The following ASPG variants were observed in gnomAD, a reference collection of about 807,000 sequenced individuals.
ASPG encodes the protein asparaginase.
Under a neutral mutation model 63.2 loss-of-function variants are expected in ASPG, and 53 were observed. The ratio of observed to expected loss-of-function variants is 0.84; its 90% CI spans 0.67 to 1.05. The LOEUF is 1.05. ASPG is among the 50% of genes least tolerant of loss of function. The probability of loss-of-function intolerance (pLI) is 0.00; values close to 1 mark genes in which losing one functional copy is unlikely to be tolerated. For synonymous variants in ASPG, 370 were observed against 355.0 expected (o/e 1.04, Z -0.48); for missense variants, 741 against 794.4 (o/e 0.93, Z 0.81).
At position 104,093,547 on chromosome 14, in the gene ASPG, T is replaced by C. The variant is rs534981132; in HGVS notation, c.248T>C (p.Phe83Ser). The part of the protein sequence containing the change: ...LYTVLECQPL[F>S]DSSDMTIAEW... ...ACCGTGCTGGAGTGCCAGCCCCTCT[T>C]CGACTCCAGTGACATGACCATCGCT... Residue 83 changes from phenylalanine (F) to serine (S), a missense_variant, in exon 3 of 16, where the codon TTC becomes TCC. Physicochemically the swap from Phe to Ser is radical, Grantham distance 155. Coordinates refer to ENST00000551177, the MANE Select transcript of ASPG (RefSeq NM_001080464.3). 51 of 1,612,580 alleles carry C rather than the reference T, an allele frequency of 3.2e-5. No individual in the cohort carries two copies. In the South Asian group the frequency reaches 5.4e-4, roughly 17 times the overall value.
At chr14:104,093,062 G>C (rs1037288238) in intron 2 of ASPG, 12 of 476,076 alleles carry the variant, frequency 2.5e-5, no homozygotes, top group Non-Finnish European at 3.8e-5. Flanking sequence ...AGGTGGCCTT[G>C]CCCCCAGCAT....
intron 10 of ASPG, among the ~76,000 whole-genome samples, chr14:104,106,011 T>TAGA (rs2037111308): frequency 6.6e-6 from 1 of 152,160 alleles, no homozygotes; most frequent in Admixed American, 6.5e-5. Flanking sequence ...ACAGCCTTGC[T>TAGA]CCCCACTGTG....
At chr14:104,097,475 G>T (rs1050017782) in intron 4 of ASPG, 79 bp from the exon 5 acceptor site, 3 of 1,407,608 alleles carry the variant, frequency 2.1e-6, no homozygotes, top group African/African-American at 2.9e-5. Flanking sequence ...GGGCCTGGGG[G>T]TTTACCTGGA....
chr14:104,105,753 G>A (rs1053228468), intron 10 of ASPG, among the ~76,000 whole-genome samples: 14 of 152,328 alleles, frequency 9.2e-5, no homozygotes, highest in African/African-American at 3.1e-4. Flanking sequence ...AAGAAGGGCG[G>A]GTGAGTGGGG....
intron 10 of ASPG, 103 bp downstream of exon 10, chr14:104,105,553 C>T (rs752587834): frequency 1.1e-5 from 16 of 1,416,166 alleles, no homozygotes; most frequent in African/African-American, 5.8e-5. Context: ...AGCCATCACT[C>T]GAGCCCAAAC....
chr14:104,098,637 G>A (rs2036732277), intron 5 of ASPG, among the ~76,000 whole-genome samples: 1 of 152,084 alleles, frequency 6.6e-6, no homozygotes, highest in Admixed American at 6.5e-5. Flanking sequence ...GGCCCCTGCA[G>A]GCTCCGGTTA....
chr14:104,097,445 C>A, intron 4 of ASPG, 109 bp from the exon 5 acceptor site: 3 of 1,113,742 alleles, frequency 2.7e-6, no homozygotes, highest in Non-Finnish European at 3.8e-6. Context: ...TTTCCCACAC[C>A]CGCCTGGGGC....
chr14:104,107,828 G>A (rs1024005441), intron 12 of ASPG, among the ~76,000 whole-genome samples: 1 of 152,224 alleles, frequency 6.6e-6, no homozygotes, highest in African/African-American at 2.4e-5. Context: ...GTGGGGGGCG[G>A]GGCCAGCACT....
At chr14:104,100,333 G>A (rs143648534) in intron 6 of ASPG, among the ~76,000 whole-genome samples, 33 of 152,284 alleles carry the variant, frequency 2.2e-4, no homozygotes, top group African/African-American at 7.7e-4. Context: ...CAGCAGAAGC[G>A]GGTGGAGGCA....
At chr14:104,088,550 G>A (rs544128330) in intron 1 of ASPG, among the ~76,000 whole-genome samples, 5 of 152,244 alleles carry the variant, frequency 3.3e-5, no homozygotes, top group Admixed American at 1.3e-4. Context: ...TCCTGAGCCC[G>A]GCTCCTTGCA....
At chr14:104,108,511 G>A in intron 12 of ASPG, 1 of 985,422 alleles carries the variant, frequency 1.0e-6, no homozygotes, top group Non-Finnish European at 1.2e-6. Context: ...GGAGGCCACT[G>A]CCTCATACCT....
intron 6 of ASPG, among the ~76,000 whole-genome samples, chr14:104,102,995 C>T (rs1411497268): frequency 6.6e-6 from 1 of 152,172 alleles, no homozygotes; most frequent in Admixed American, 6.5e-5. Flanking sequence ...GTGAGGGGTC[C>T]GAAAGTCCAT....
intron 4 of ASPG, among the ~76,000 whole-genome samples, 183 bp from the exon 5 acceptor site, chr14:104,097,371 C>A (rs2036639949): frequency 6.6e-6 from 1 of 152,176 alleles, no homozygotes; most frequent in Non-Finnish European, 1.5e-5. Flanking sequence ...CTCTGAGTGC[C>A]CCGTTCCCCC....
rs2037306035 is a variant in ASPG, at chr14:104,109,708, G to T, written c.1520+393G>T. ...GCTGGGGCTGCATTTGGGGAGGTTG[G>T]GGCAGGTGGGGCACAGAGGAGCTGA... On this transcript the variant is annotated intron_variant, in intron 13 of 15. Transcript: ENST00000551177. This position sits in a 1 kb window ranked among gnomAD's most constrained non-coding sequence, Gnocchi z 4.8. Among the ~76,000 whole-genome samples, 1 of 151,688 alleles carries T rather than the reference G, an allele frequency of 6.6e-6. No homozygotes were observed. The highest frequency in any genetic ancestry group is 1.5e-5 in the Non-Finnish European group (1 of 67,884).
chr14:104,103,490 G>C, intron 6 of ASPG, 73 bp from the exon 7 acceptor site: 2 of 1,341,830 alleles, frequency 1.5e-6, no homozygotes, highest in Non-Finnish European at 2.1e-6. Context: ...CTGTGCAGAG[G>C]GCCAGGCACT....
chr14:104,103,998 C>T (rs2037001343), intron 7 of ASPG, among the ~76,000 whole-genome samples: 1 of 152,258 alleles, frequency 6.6e-6, no homozygotes, highest in Non-Finnish European at 1.5e-5. Context: ...AGGGTGTTTG[C>T]TCTGGGGCCT....
At chr14:104,108,714 G>A (rs767658137) in intron 12 of ASPG, 50 of 985,294 alleles carry the variant, frequency 5.1e-5, no homozygotes, top group African/African-American at 5.2e-5. Flanking sequence ...TCCACTGTCC[G>A]GGTGCCCTGC....
rs977604644 is a variant in ASPG at position 104,091,471 on chromosome 14, C to G, written c.83-1162C>G. On this transcript the variant is annotated intron_variant, in intron 1 of 15. Coordinates refer to ENST00000551177, the MANE Select transcript of ASPG (RefSeq NM_001080464.3). The surrounding 1 kb of genome is among the most constrained non-coding windows in gnomAD (Gnocchi z 6.4). ...CTGCACCTCAGCCGGCCTGCATCTT[C>G]CAGTCCTCTGGCAAACGTCCCCGGG... 1.3e-5 allele frequency among the ~76,000 whole-genome samples: 2 copies of G among 152,148 alleles called. No individual in the cohort carries two copies. Among genetic ancestry groups the G allele is most frequent in the Non-Finnish European group, 2.9e-5 (2 of 68,034 alleles).
At chr14:104,111,362 C>A in intron 13 of ASPG, 140 bp from the exon 14 acceptor site, 1 of 1,020,626 alleles carries the variant, frequency 9.8e-7, no homozygotes. Flanking sequence ...TGACTCCTGC[C>A]CCAGGACCAG....
Sources: gnomAD v4.1 joint callset for allele counts (sites outside exome capture counted in the v4.1 genomes callset) on GRCh38, gnomAD v4.1.1 for gene constraint, Gnocchi (gnomAD v3.1) non-coding constraint, MANE v1.5 for transcripts, NCBI Gene and HGNC (gene_info 2026-07-23, HGNC 2026-07-21) for gene names.